Variants in CPLX2 observed in about 807,000 individuals in gnomAD.
The protein encoded by CPLX2 is complexin-2.
Under a neutral mutation model 16.3 loss-of-function variants are expected in CPLX2, and 5 were observed. The observed-to-expected ratio is 0.31, with a 90% CI of 0.16 to 0.64. The LOEUF is 0.64. CPLX2 is among the 30% of genes least tolerant of loss of function. CPLX2 has a pLI of 0.79. For synonymous variants in CPLX2, 89 were observed against 73.2 expected (o/e 1.22, Z -1.10); for missense variants, 144 against 181.4 (o/e 0.79, Z 1.18).
chr5:175,855,006 T>C (rs1759227319), intron 2 of CPLX2, among the ~76,000 whole-genome samples: 1 of 152,152 alleles, frequency 6.6e-6, no homozygotes, highest in South Asian at 2.1e-4. Flanking sequence ...TTATTGAAGT[T>C]CAGTGGAGCT....
chr5:175,847,256 G>A (rs977338552), intron 2 of CPLX2, among the ~76,000 whole-genome samples: 7 of 152,188 alleles, frequency 4.6e-5, no homozygotes, highest in African/African-American at 7.2e-5. Flanking sequence ...GAGGAGCCGC[G>A]TGGGGGAGTG....
intron 2 of CPLX2, among the ~76,000 whole-genome samples, chr5:175,863,984 A>G (rs1364294331): frequency 6.6e-6 from 1 of 152,238 alleles, no homozygotes; most frequent in Non-Finnish European, 1.5e-5. Flanking sequence ...TATGAGGCAG[A>G]GTTCTTTGAC....
At position 175,814,903 on chromosome 5, in the gene CPLX2, G is replaced by A. The variant is rs550943290; in HGVS notation, c.-89+5835G>A. Among the ~76,000 whole-genome samples, 17 of 152,200 alleles carry A rather than the reference G, an allele frequency of 1.1e-4. No homozygotes were observed. In the South Asian group the frequency reaches 2.7e-3, roughly 24 times the overall value. On this transcript the variant is annotated intron_variant, in intron 2 of 4. Transcript: ENST00000359546. ...AGACAGCTGGCTTGGCGTGGGTCCC[G>A]TGTCCTCCTCTCGGCCAGCCCAAAG...
intron 1 of CPLX2, among the ~76,000 whole-genome samples, chr5:175,800,242 C>T (rs987883307): frequency 2.0e-5 from 3 of 152,108 alleles, no homozygotes; most frequent in African/African-American, 7.2e-5. Flanking sequence ...AGGCTTTCCA[C>T]TTTTCAGGGA....
At chr5:175,799,536 T>G (rs1249043416) in intron 1 of CPLX2, among the ~76,000 whole-genome samples, 2 of 46,808 alleles carry the variant, frequency 4.3e-5, no homozygotes, top group Non-Finnish European at 7.8e-5. Context: ...CCTTTGCAAA[T>G]TTCATATATA....
rs1412824533 is a variant in CPLX2 at position 175,878,979 on chromosome 5, G to C, written c.103G>C (p.Glu35Gln). 3 of 1,607,780 alleles carry C rather than the reference G, an allele frequency of 1.9e-6. No homozygotes were observed. The highest frequency in any genetic ancestry group is 2.5e-6 in the Non-Finnish European group (3 of 1,177,252). Residue 35 changes from glutamate to glutamine, a missense_variant, in exon 3 of 4, where the codon GAG (glutamate) becomes CAG (glutamine). Physicochemically the swap from Glu to Gln is conservative, Grantham distance 29 (BLOSUM62 2). Coordinates refer to ENST00000393745, the MANE Select transcript of CPLX2 (RefSeq NM_001008220.2). ...EKDPDAQKKE[E>Q]ERQEALRQQE... ...GGACCCCGACGCGCAGAAAAAGGAG[G>C]AGGAGCGGCAGGAGGCGCTGCGGCA...
In CPLX2 at chr5:175,879,991, G is replaced by A; in HGVS notation, c.351G>A (p.Leu117=). 6.2e-7 allele frequency: 1 copy of A among 1,614,028 alleles called. No homozygotes were observed. The highest frequency in any genetic ancestry group is 8.5e-7 in the Non-Finnish European group (1 of 1,179,974). The stretch of plus-strand genomic sequence containing the variant: ...AGGAGGAGGAAGAGGAGAGCATCCT[G>A]GACACGGTGCTCAAATACCTGCCCG... The part of the protein sequence containing the change: ...DEEEEEEESI[L]DTVLKYLPGP... Residue 117 remains leucine (L), a synonymous_variant, in exon 4 of 4, where the codon CTG becomes CTA. Coordinates refer to ENST00000393745, the MANE Select transcript of CPLX2 (RefSeq NM_001008220.2).
intron 2 of CPLX2, among the ~76,000 whole-genome samples, chr5:175,866,403 C>T (rs898977499): frequency 7.9e-5 from 12 of 152,178 alleles, no homozygotes; most frequent in African/African-American, 2.7e-4. Flanking sequence ...AGATTTACTA[C>T]CAAAATATTC....
chr5:175,852,949 T>A (rs1404776873), intron 2 of CPLX2, among the ~76,000 whole-genome samples: 1 of 152,206 alleles, frequency 6.6e-6, no homozygotes, highest in Non-Finnish European at 1.5e-5. Flanking sequence ...TGTGAGGAAG[T>A]CTCAGTACGT....
chr5:175,823,915 G>A (rs1758558791), intron 2 of CPLX2, among the ~76,000 whole-genome samples: 1 of 152,162 alleles, frequency 6.6e-6, no homozygotes, highest in Non-Finnish European at 1.5e-5. Flanking sequence ...GCCACCCACA[G>A]GAGGAGGAGG....
At chr5:175,817,779 T>C (rs1290837881) in intron 2 of CPLX2, among the ~76,000 whole-genome samples, 1 of 151,906 alleles carries the variant, frequency 6.6e-6, no homozygotes, top group East Asian at 1.9e-4. Flanking sequence ...GGGATCAGGG[T>C]GGAGGAATGT....
At chr5:175,844,842 CA>C in intron 2 of CPLX2, among the ~76,000 whole-genome samples, 1 of 152,254 alleles carries the variant, frequency 6.6e-6, no homozygotes, top group East Asian at 1.9e-4. Context: ...GACGACCAAA[CA>C]GCACGTTTGT....
At chr5:175,813,211 C>T (rs1298599725) in intron 2 of CPLX2, among the ~76,000 whole-genome samples, 3 of 152,192 alleles carry the variant, frequency 2.0e-5, no homozygotes, top group Admixed American at 2.0e-4. Context: ...ATAACCAGCA[C>T]ACTAAACTGT....
chr5:175,857,442 G>A (rs963391924), intron 2 of CPLX2, among the ~76,000 whole-genome samples: 4 of 152,110 alleles, frequency 2.6e-5, no homozygotes, highest in African/African-American at 7.2e-5. Context: ...TAAACCCATC[G>A]TAAGTTGAAA....
rs1306023801 is a variant in CPLX2 at position 175,821,055 on chromosome 5, C to G, written c.-89+11987C>G. 8.5e-5 allele frequency among the ~76,000 whole-genome samples: 13 copies of G among 152,116 alleles called. No homozygotes were observed. In the East Asian group the frequency reaches 2.5e-3, roughly 29 times the overall value. On this transcript the variant is annotated intron_variant, in intron 2 of 4. Coordinates refer to the CPLX2 transcript ENST00000359546. ...TCCTGGGGGTTGTCCTGGGATTTGG[C>G]AAAAGATCCTGGCTGCTCCTGACCC...
At chr5:175,806,314 G>T (rs1031886406) in intron 1 of CPLX2, among the ~76,000 whole-genome samples, 1 of 151,798 alleles carries the variant, frequency 6.6e-6, no homozygotes, top group Non-Finnish European at 1.5e-5. Context: ...AGCCCTTCCT[G>T]CCTCACTATC....
At chr5:175,873,238 T>C (rs1343124534) in intron 1 of CPLX2, among the ~76,000 whole-genome samples, 1 of 144,624 alleles carries the variant, frequency 6.9e-6, no homozygotes, top group African/African-American at 2.6e-5. Flanking sequence ...ACCTCAGCAC[T>C]CCCGCAGGCA....
chr5:175,861,455 C>T (rs1759369925), intron 2 of CPLX2, among the ~76,000 whole-genome samples: 1 of 152,068 alleles, frequency 6.6e-6, no homozygotes. Flanking sequence ...GGTTTGGACC[C>T]GATGCTGCAG....
At chr5:175,865,083 C>T (rs1353114995) in intron 2 of CPLX2, among the ~76,000 whole-genome samples, 7 of 22,218 alleles carry the variant, frequency 3.2e-4, no homozygotes, top group Non-Finnish European at 6.1e-4. Flanking sequence ...CACGCATGTG[C>T]GCGCGCGCAC....
Sources: gnomAD v4.1 joint callset for allele counts (sites outside exome capture counted in the v4.1 genomes callset) on GRCh38, gnomAD v4.1.1 for gene constraint, MANE v1.5 for transcripts, NCBI Gene and HGNC (gene_info 2026-07-23, HGNC 2026-07-21) for gene names.